Variants in LRRC4C observed in about 807,000 individuals in gnomAD.
The protein encoded by LRRC4C is leucine-rich repeat-containing protein 4C.
LRRC4C carries 5 observed loss-of-function variants against 33.6 expected under a neutral mutation model. That is an observed-to-expected ratio of 0.15 (90% CI 0.08 to 0.31). The LOEUF (loss-of-function observed/expected upper bound fraction) is 0.31. LRRC4C is among the 10% of genes least tolerant of loss of function. LRRC4C has a pLI of 1.00. For missense variants in LRRC4C, 560 were observed against 796.7 expected (o/e 0.70, Z 3.58); for synonymous variants, 329 against 302.0 (o/e 1.09, Z -0.93).
In LRRC4C at chr11:40,811,885, A is replaced by C. The variant is rs188704630; in HGVS notation, c.-407+121750T>G. On this transcript the variant is annotated intron_variant, in intron 2 of 6. Coordinates refer to ENST00000528697, the MANE Select transcript of LRRC4C (RefSeq NM_001258419.2). ...CATTCATGGGTTTCAATGTCCTTATATGTGAGATAGGGAGGATAATAGCAA... is the reference window on the plus strand; with the variant it reads ...CATTCATGGGTTTCAATGTCCTTATCTGTGAGATAGGGAGGATAATAGCAA... Among the ~76,000 whole-genome samples the C allele has an allele frequency of 3.4e-4, 52 of 152,250 alleles. 1 individual carries two copies. Among genetic ancestry groups the C allele is most frequent in the Middle Eastern group, 3.4e-3 (1 of 294 alleles).
At chr11:41,187,150 G>T (rs758838210) in intron 1 of LRRC4C, among the ~76,000 whole-genome samples, 1 of 152,186 alleles carries the variant, frequency 6.6e-6, no homozygotes, top group Non-Finnish European at 1.5e-5. Context: ...ATGGTCCCTG[G>T]ATAGGGCTCC....
intron 1 of LRRC4C, among the ~76,000 whole-genome samples, chr11:41,415,845 G>A (rs141137907): frequency 1.1e-3 from 172 of 152,254 alleles, no homozygotes; most frequent in African/African-American, 4.1e-3. Context: ...TCTTGGATCA[G>A]AGGAGGAATG....
chr11:41,123,642 A>T, intron 1 of LRRC4C, among the ~76,000 whole-genome samples: 1 of 151,784 alleles, frequency 6.6e-6, no homozygotes, highest in Non-Finnish European at 1.5e-5. Context: ...AGGATAAATT[A>T]ATTCATTCTT....
chr11:40,114,518 T>G lies in LRRC4C; in HGVS notation c.1775A>C (p.His592Pro). The G allele has an allele frequency of 6.2e-7, 1 of 1,614,186 alleles. No individual in the cohort carries two copies. The highest frequency in any genetic ancestry group is 8.5e-7 in the Non-Finnish European group (1 of 1,180,022). Residue 592 changes from histidine (H) to proline (P), a missense_variant, in exon 7 of 7, where the codon CAT becomes CCT. Physicochemically the swap from His to Pro is moderately conservative, Grantham distance 77. Coordinates refer to ENST00000528697, the MANE Select transcript of LRRC4C (RefSeq NM_001258419.2). ...ESHLPMPAIE[H>P]EHLNHYNSYK... ...TGAGTTATAGTGATTTAGGTGCTCATGCTCGATAGCAGGCATGGGCAGGTG... is the reference window on the plus strand; with the variant it reads ...TGAGTTATAGTGATTTAGGTGCTCAGGCTCGATAGCAGGCATGGGCAGGTG...
At chr11:41,408,992 C>T (rs1659942641) in intron 1 of LRRC4C, among the ~76,000 whole-genome samples, 4 of 152,144 alleles carry the variant, frequency 2.6e-5, no homozygotes, top group Admixed American at 2.6e-4. Context: ...AGGGCGAATG[C>T]CTCTTTCAGG....
intron 1 of LRRC4C, among the ~76,000 whole-genome samples, chr11:41,283,883 C>T (rs1180194600): frequency 6.6e-6 from 1 of 152,168 alleles, no homozygotes; most frequent in African/African-American, 2.4e-5. Context: ...TCAATTTCCT[C>T]AATGGTAAAA....
intron 2 of LRRC4C, among the ~76,000 whole-genome samples, chr11:40,837,683 A>T (rs913942635): frequency 2.6e-5 from 4 of 151,054 alleles, no homozygotes; most frequent in African/African-American, 9.7e-5. Flanking sequence ...CTTCAAAAAA[A>T]AAAAAAAAAA....
chr11:40,449,872 A>T (rs747703079), intron 3 of LRRC4C, among the ~76,000 whole-genome samples: 5 of 152,218 alleles, frequency 3.3e-5, no homozygotes, highest in Non-Finnish European at 5.9e-5. Context: ...CTGGAGAAAT[A>T]TATTTTCAGG....
At chr11:41,260,940 T>A (rs1948962518) in intron 1 of LRRC4C, among the ~76,000 whole-genome samples, 1 of 152,098 alleles carries the variant, frequency 6.6e-6, no homozygotes, top group Non-Finnish European at 1.5e-5. Context: ...AACTGTACTT[T>A]CTCTTCTTAG....
At chr11:40,260,758 TTTTA>T (rs1489278509) in intron 4 of LRRC4C, among the ~76,000 whole-genome samples, 1 of 152,198 alleles carries the variant, frequency 6.6e-6, no homozygotes, top group Non-Finnish European at 1.5e-5. Context: ...TTGACATTTG[TTTTA>T]TTTCTTTTCG....
chr11:41,224,726 A>T (rs1947454861), intron 1 of LRRC4C, among the ~76,000 whole-genome samples: 1 of 152,136 alleles, frequency 6.6e-6, no homozygotes, highest in Non-Finnish European at 1.5e-5. Flanking sequence ...CTCTCATTGG[A>T]TTCTATGTGG....
chr11:41,366,199 C>CAGACAGAT (rs1269124005), intron 1 of LRRC4C, among the ~76,000 whole-genome samples: 173 of 148,788 alleles, frequency 1.2e-3, no homozygotes, highest in African/African-American at 3.9e-3. Context: ...GATAGATAGA[C>CAGACAGAT]AGATAGATAG....
chr11:41,230,091 T>G (rs552926461), intron 1 of LRRC4C, among the ~76,000 whole-genome samples: 1 of 152,264 alleles, frequency 6.6e-6, no homozygotes, highest in East Asian at 1.9e-4. Flanking sequence ...TCTCTTTCTC[T>G]ACTTGACAAT....
chr11:40,514,502 C>T (rs1955479706), intron 3 of LRRC4C, among the ~76,000 whole-genome samples: 1 of 151,972 alleles, frequency 6.6e-6, no homozygotes, highest in Non-Finnish European at 1.5e-5. Flanking sequence ...TTGAAAAAAG[C>T]CATACAAAGT....
At chr11:41,339,057 T>G (rs943580578) in intron 1 of LRRC4C, among the ~76,000 whole-genome samples, 1 of 152,210 alleles carries the variant, frequency 6.6e-6, no homozygotes, top group African/African-American at 2.4e-5. Flanking sequence ...GTTTGAAAGA[T>G]GCATCATGGT....
intron 2 of LRRC4C, among the ~76,000 whole-genome samples, chr11:40,831,765 T>A (rs926769942): frequency 6.6e-6 from 1 of 152,004 alleles, no homozygotes; most frequent in African/African-American, 2.4e-5. Flanking sequence ...AGGGGAACTG[T>A]CCTTTATAAA....
intron 4 of LRRC4C, among the ~76,000 whole-genome samples, chr11:40,297,566 C>G (rs927954571): frequency 5.3e-5 from 8 of 151,964 alleles, no homozygotes; most frequent in Non-Finnish European, 1.0e-4. Flanking sequence ...GTCCTAAAGT[C>G]CTAAATACTG....
intron 2 of LRRC4C, among the ~76,000 whole-genome samples, chr11:40,912,278 G>A (rs753886105): frequency 7.2e-5 from 11 of 152,140 alleles, no homozygotes; most frequent in Non-Finnish European, 1.3e-4. Context: ...AGGAAAAAAT[G>A]TTAAGGGCAG....
At chr11:40,537,532 C>A (rs986930532) in intron 3 of LRRC4C, among the ~76,000 whole-genome samples, 1 of 152,120 alleles carries the variant, frequency 6.6e-6, no homozygotes, top group African/African-American at 2.4e-5. Context: ...CAAAACAATG[C>A]CAACTGATAG....
Sources: gnomAD v4.1 joint callset for allele counts (sites outside exome capture counted in the v4.1 genomes callset) on GRCh38, gnomAD v4.1.1 for gene constraint, MANE v1.5 for transcripts, NCBI Gene and HGNC (gene_info 2026-07-23, HGNC 2026-07-21) for gene names.